PLVAP: variants seen among roughly 807,000 people sequenced by gnomAD.
PLVAP encodes the protein plasmalemma vesicle associated protein, also known as plasmalemma vesicle-associated protein.
In PLVAP, 34 loss-of-function variants were observed where a neutral mutation model predicts 43.1. That is an observed-to-expected ratio of 0.79 (90% confidence interval 0.60 to 1.05). PLVAP has a LOEUF of 1.05. PLVAP is among the 50% of genes least tolerant of loss of function. PLVAP has a pLI of 0.00. For synonymous variants in PLVAP, 241 were observed against 237.3 expected (o/e 1.02, Z -0.14); for missense variants, 574 against 593.4 (o/e 0.97, Z 0.34).
At position 17,365,972 on chromosome 19, in the gene PLVAP, C is replaced by A. The variant is rs1198945833; in HGVS notation, c.493G>T (p.Val165Leu). 6.2e-7 allele frequency: 1 copy of A among 1,613,466 alleles called. No homozygotes were observed. The highest frequency in any genetic ancestry group is 1.3e-5 in the African/African-American group (1 of 74,892). Residue 165 changes from valine to leucine, a missense_variant, in exon 3 of 6, where the codon GTG becomes TTG. Physicochemically the swap from Val to Leu is conservative, Grantham distance 32. Coordinates refer to ENST00000252590, the MANE Select transcript of PLVAP (RefSeq NM_031310.3). ...GCTATCTCCACCTCCAGCGTCTTCA[C>A]CTTCTGATTCAGCATGAAGAGCAAG... ...DALLFMLNQKVKTLEVEIAKE... is the reference protein window; with the variant it reads ...DALLFMLNQKLKTLEVEIAKE...
At chr19:17,374,217 A>G (rs998951334) in intron 1 of PLVAP, among the ~76,000 whole-genome samples, 1 of 152,172 alleles carries the variant, frequency 6.6e-6, no homozygotes. Context: ...CTGTAATCCC[A>G]GCACTTTGGG....
rs529345051 is a variant in PLVAP at position 17,373,020 on chromosome 19, C to T, written c.369+3900G>A. On this transcript the variant is annotated intron_variant, in intron 1 of 5. Coordinates refer to ENST00000252590, the MANE Select transcript of PLVAP (RefSeq NM_031310.3). Reference sequence around the variant, plus strand: ...GGCAGAGGTTGCAGTGAGTGGATACCGCGCCATTGCACCCCAGCCTTGGCG... The same window carrying T: ...GGCAGAGGTTGCAGTGAGTGGATACTGCGCCATTGCACCCCAGCCTTGGCG... Among the ~76,000 whole-genome samples the T allele has an allele frequency of 2.2e-4, 30 of 138,594 alleles. 1 individual carries two copies. The South Asian group carries it at 6.0e-3, about 28-fold the overall frequency. 90.9% of individuals were successfully genotyped at this position (138,594 alleles called of 152,430 possible).
At chr19:17,376,626 C>T (rs748058135) in intron 1 of PLVAP, among the ~76,000 whole-genome samples, 5 of 152,018 alleles carry the variant, frequency 3.3e-5, no homozygotes, top group South Asian at 2.1e-4. Context: ...GGTGAAACCC[C>T]ATCTCTACTA....
At position 17,360,754 on chromosome 19, in the gene PLVAP, C is replaced by T. The variant is rs771800587; in HGVS notation, c.1240+18G>A. 5 of 1,611,400 alleles carry T rather than the reference C, an allele frequency of 3.1e-6. No homozygotes were observed. The Admixed American group carries it at 8.3e-5, about 27-fold the overall frequency. ...AAAGGGGCCCCTCCCCTACTTGGCT[C>T]TGTCTTTTGTCACTCACCGATGGGC... On this transcript the variant is annotated intron_variant, in intron 4 of 5. Transcript: ENST00000252590.
At chr19:17,363,251 C>T (rs1385114379) in intron 3 of PLVAP, among the ~76,000 whole-genome samples, 1 of 152,106 alleles carries the variant, frequency 6.6e-6, no homozygotes. Context: ...GCAACCTCTG[C>T]CTCCTGGGTT....
At chr19:17,359,709 T>TTTTTTTC (rs1491085370) in intron 5 of PLVAP, among the ~76,000 whole-genome samples, 2 of 132,788 alleles carry the variant, frequency 1.5e-5, no homozygotes, top group African/African-American at 6.5e-5. Flanking sequence ...TTTTTTTTTT[T>TTTTTTTC]TCTGACACAG....
In PLVAP at chr19:17,368,075, T is replaced by A. The variant is rs545119001; in HGVS notation, c.370-1880A>T. Among the ~76,000 whole-genome samples the A allele has an allele frequency of 3.6e-4, 53 of 146,128 alleles. 1 individual carries two copies. The South Asian group carries it at 0.011, about 31-fold the overall frequency. Reference sequence around the variant, plus strand: ...ACCCTGCCCGGCTAATTTTTTTTTTTTTTTTTTTTTTTTGAGACGGAGTTT... The same window carrying A: ...ACCCTGCCCGGCTAATTTTTTTTTTATTTTTTTTTTTTTGAGACGGAGTTT... On this transcript the variant is annotated intron_variant, in intron 1 of 5. Transcript: ENST00000252590.
chr19:17,370,789 G>T (rs2074569094), intron 1 of PLVAP, among the ~76,000 whole-genome samples: 1 of 152,152 alleles, frequency 6.6e-6, no homozygotes, highest in Admixed American at 6.6e-5. Flanking sequence ...GGGCGCGGTG[G>T]CTCACGCCTG....
In PLVAP at chr19:17,352,187, G is replaced by A. The variant is rs767814858; in HGVS notation, c.*175C>T. 29 of 818,524 alleles carry A rather than the reference G, an allele frequency of 3.5e-5. No homozygotes were observed. The highest frequency in any genetic ancestry group is 5.4e-5 in the Non-Finnish European group (28 of 516,342). The allele number at this position is 818,524 out of a possible 1,614,324, so 50.7% of individuals were successfully genotyped here. ...TGCTCTGGGTGAGGGATCGTGAGGCGCGGGTGCGGGTGTGAGAGGGTACTA... is the reference window on the plus strand; with the variant it reads ...TGCTCTGGGTGAGGGATCGTGAGGCACGGGTGCGGGTGTGAGAGGGTACTA... On this transcript the variant is annotated 3_prime_UTR_variant, in exon 6 of 6. Coordinates refer to ENST00000252590, the MANE Select transcript of PLVAP (RefSeq NM_031310.3).
chr19:17,365,010 C>T (rs1260266962), intron 3 of PLVAP, among the ~76,000 whole-genome samples: 2 of 152,074 alleles, frequency 1.3e-5, no homozygotes, highest in East Asian at 1.9e-4. Flanking sequence ...TGACCTCAGG[C>T]GATCCACCCA....
chr19:17,366,025 A>C, intron 2 of PLVAP, 27 bp from the exon 3 acceptor site: 1 of 1,611,710 alleles, frequency 6.2e-7, no homozygotes, highest in Non-Finnish European at 8.5e-7. Flanking sequence ...CAGGAGACCC[A>C]GGAAGATTGG....
At chr19:17,370,394 C>A (rs956431757) in intron 1 of PLVAP, among the ~76,000 whole-genome samples, 1 of 152,178 alleles carries the variant, frequency 6.6e-6, no homozygotes, top group Non-Finnish European at 1.5e-5. Flanking sequence ...AACCCAAATG[C>A]CTGTCAGCAG....
At position 17,377,248 on chromosome 19, in the gene PLVAP, G is replaced by A. The variant is rs780823307; in HGVS notation, c.41C>T (p.Ala14Val). The change falls in exon 1 of 6, where the codon GCG becomes GTG. Residue 14 changes from alanine (A) to valine (V), a missense_variant. Ala to Val is a moderately conservative substitution (Grantham distance 64, BLOSUM62 0). Transcript: ENST00000252590. Reference protein sequence around the residue: ...AMEHGGSYARAGGSSRGCWYY... With the variant: ...AMEHGGSYARVGGSSRGCWYY... ...CCAGCAGCCCCGAGAGCTGCCCCCC[G>A]CCCGAGCGTAGGACCCTCCGTGCTC... 9.9e-6 allele frequency: 16 copies of A among 1,613,856 alleles called. No individual in the cohort carries two copies. The Admixed American group carries it at 1.0e-4, about 10-fold the overall frequency.
chr19:17,356,508 A>G (rs184202404), intron 5 of PLVAP, among the ~76,000 whole-genome samples: 6 of 151,928 alleles, frequency 3.9e-5, no homozygotes, highest in East Asian at 2.0e-4. Context: ...TGAGAATTTT[A>G]TTTTTTCTCT....
intron 5 of PLVAP, among the ~76,000 whole-genome samples, chr19:17,355,627 C>G (rs530655452): frequency 6.6e-6 from 1 of 151,974 alleles, no homozygotes; most frequent in South Asian, 2.1e-4. Context: ...CTCCCAGGTC[C>G]TGGTTCAAGC....
At chr19:17,373,472 G>A (rs948903401) in intron 1 of PLVAP, among the ~76,000 whole-genome samples, 1 of 152,022 alleles carries the variant, frequency 6.6e-6, no homozygotes, top group African/African-American at 2.4e-5. Flanking sequence ...GGACGGCTGG[G>A]TGGTCTGAGG....
chr19:17,374,975 T>C (rs1173465469), intron 1 of PLVAP, among the ~76,000 whole-genome samples: 2 of 152,034 alleles, frequency 1.3e-5, no homozygotes, highest in African/African-American at 2.4e-5. Context: ...CATACCACCA[T>C]ACCCGGCTAA....
Position 17,366,073 on chromosome 19 carries a change from C to T in PLVAP, c.466+26G>A, listed in dbSNP as rs371091896. On this transcript the variant is annotated intron_variant, in intron 2 of 5. Transcript: ENST00000252590. ...GCACTGGGCAGGGAGTCCACCACCC[C>T]GGCTCCCTGCAGCCTTAGCACTCAC... 2.8e-5 allele frequency: 45 copies of T among 1,612,410 alleles called. No homozygotes were observed. The Middle Eastern group carries it at 5.0e-4, about 18-fold the overall frequency.
At chr19:17,359,624 T>C (rs969194139) in intron 5 of PLVAP, among the ~76,000 whole-genome samples, 1 of 151,898 alleles carries the variant, frequency 6.6e-6, no homozygotes, top group African/African-American at 2.4e-5. Flanking sequence ...CAGATGGTCT[T>C]GATCTCTTGA....
Sources: gnomAD v4.1 joint callset for allele counts (sites outside exome capture counted in the v4.1 genomes callset) on GRCh38, gnomAD v4.1.1 for gene constraint, MANE v1.5 for transcripts, NCBI Gene and HGNC (gene_info 2026-07-23, HGNC 2026-07-21) for gene names.